The following KAZN variants were observed in gnomAD, a reference collection of about 807,000 sequenced individuals.
KAZN encodes kazrin.
KAZN carries 40 observed loss-of-function variants against 87.4 expected under a neutral mutation model. The ratio of observed to expected loss-of-function variants is 0.46; its 90% CI spans 0.36 to 0.60. The LOEUF is 0.60. KAZN is among the 20% of genes least tolerant of loss of function. The pLI is 0.00. For synonymous variants in KAZN, 466 were observed against 458.3 expected (o/e 1.02, Z -0.22); for missense variants, 898 against 1,073.9 (o/e 0.84, Z 2.29).
rs184419400 is a variant in KAZN, at chr1:14,800,648, G to A, written c.227-160036G>A. 5.6e-3 allele frequency among the ~76,000 whole-genome samples: 850 copies of A among 152,232 alleles called. 3 individuals are homozygous for A. Among genetic ancestry groups the A allele is most frequent in the Non-Finnish European group, 9.4e-3 (639 of 68,016 alleles). On this transcript the variant is annotated intron_variant, in intron 1 of 14. Coordinates refer to ENST00000376030, the MANE Select transcript of KAZN (RefSeq NM_201628.3). The stretch of plus-strand genomic sequence containing the variant: ...GAGCCTGGGAGATGGAGGCTGCAGC[G>A]AGCCATGATTGCAACACCACACTCC...
intron 1 of KAZN, among the ~76,000 whole-genome samples, chr1:14,864,100 G>A (rs1459244810): frequency 1.3e-5 from 2 of 152,164 alleles, no homozygotes; most frequent in East Asian, 3.9e-4. Flanking sequence ...CCCATTCCAG[G>A]AAGCCTAGCA....
chr1:14,635,816 A>T (rs1679935481), intron 1 of KAZN, among the ~76,000 whole-genome samples: 1 of 152,166 alleles, frequency 6.6e-6, no homozygotes, highest in Non-Finnish European at 1.5e-5. Context: ...GCCCATAAAC[A>T]CCTAAGACAG....
At chr1:14,656,697 C>A (rs544515506) in intron 1 of KAZN, among the ~76,000 whole-genome samples, 1 of 152,266 alleles carries the variant, frequency 6.6e-6, no homozygotes, top group Admixed American at 6.5e-5. Context: ...GGAAGAGAGC[C>A]AAGGGGACGG....
chr1:14,326,697 G>A (rs554973988), intron 2 of KAZN, among the ~76,000 whole-genome samples: 131 of 152,206 alleles, frequency 8.6e-4, no homozygotes, highest in African/African-American at 2.9e-3. Flanking sequence ...CTGTGCTTGG[G>A]TCACCCTGGA....
intron 2 of KAZN, among the ~76,000 whole-genome samples, chr1:14,418,525 GGAAAA>G (rs569166521): frequency 2.7e-3 from 405 of 152,238 alleles, no homozygotes; most frequent in African/African-American, 9.1e-3. Flanking sequence ...CTTGGTGCAA[GGAAAA>G]GAATATTGAA....
intron 2 of KAZN, among the ~76,000 whole-genome samples, chr1:14,439,361 A>G (rs1666572865): frequency 6.6e-6 from 1 of 151,920 alleles, no homozygotes; most frequent in Non-Finnish European, 1.5e-5. Context: ...CTGAGCCACC[A>G]TTAGTGATTG....
At chr1:14,414,812 G>A (rs1166753115) in intron 2 of KAZN, among the ~76,000 whole-genome samples, 1 of 152,076 alleles carries the variant, frequency 6.6e-6, no homozygotes, top group Non-Finnish European at 1.5e-5. Flanking sequence ...ATCACCTGAG[G>A]TCAGGAGTTC....
chr1:15,045,737 A>G (rs1052376789), intron 4 of KAZN, among the ~76,000 whole-genome samples: 2 of 152,200 alleles, frequency 1.3e-5, no homozygotes, highest in African/African-American at 4.8e-5. Context: ...GGCAAAGGAG[A>G]AACAAGGCAC....
At chr1:14,056,953 A>T (rs997786543) in intron 1 of KAZN, among the ~76,000 whole-genome samples, 2 of 150,224 alleles carry the variant, frequency 1.3e-5, no homozygotes, top group Non-Finnish European at 3.0e-5. Context: ...CTGAGGTGGG[A>T]GGATCGCTTG....
chr1:14,267,352 C>T (rs10928058), intron 2 of KAZN, among the ~76,000 whole-genome samples: 59,221 of 133,550 alleles, frequency 0.44, 13,460 homozygotes, highest in Non-Finnish European at 0.53. Context: ...TAACAATAGC[C>T]GATAAGCAAA....
Position 14,457,177 on chromosome 1 carries a change from G to A in KAZN, c.250-141806G>A, listed in dbSNP as rs115115987. On this transcript the variant is annotated intron_variant, in intron 2 of 16. Coordinates refer to the KAZN transcript ENST00000636203. ...CACAAAGTGGTTCATGAGGCTTCAC[G>A]TATTTCCACTTTACCACCAAACTCG... Among the ~76,000 whole-genome samples the A allele has an allele frequency of 7.7e-3, 1,166 of 152,290 alleles. 7 individuals are homozygous for A. Among genetic ancestry groups the A allele is most frequent in the African/African-American group, 0.013 (525 of 41,556 alleles).
At chr1:14,524,107 T>C (rs1408034037) in intron 2 of KAZN, among the ~76,000 whole-genome samples, 3 of 151,996 alleles carry the variant, frequency 2.0e-5, no homozygotes, top group South Asian at 4.1e-4. Flanking sequence ...CTGCAACCTC[T>C]GCCTCCCAGA....
chr1:14,365,338 CG>C (rs1199343993), intron 2 of KAZN, among the ~76,000 whole-genome samples: 4 of 144,378 alleles, frequency 2.8e-5, no homozygotes, highest in Admixed American at 7.1e-5. Flanking sequence ...TGAGCCACCG[CG>C]CCCCGGCGCC....
chr1:13,949,839 C>T (rs757606638), intron 1 of KAZN, among the ~76,000 whole-genome samples: 67 of 152,280 alleles, frequency 4.4e-4, no homozygotes, highest in Non-Finnish European at 8.8e-4. Context: ...TCAAAGGTAA[C>T]GGGGAAGCTG....
chr1:14,984,833 A>G (rs969510223), intron 2 of KAZN, among the ~76,000 whole-genome samples: 1 of 152,210 alleles, frequency 6.6e-6, no homozygotes, highest in African/African-American at 2.4e-5. Flanking sequence ...TGAACATCCA[A>G]TAAAATAATA....
At chr1:14,957,399 A>G (rs1663248364) in intron 1 of KAZN, among the ~76,000 whole-genome samples, 1 of 152,208 alleles carries the variant, frequency 6.6e-6, no homozygotes, top group African/African-American at 2.4e-5. Context: ...GCCATTCGAC[A>G]GACGTTACCG....
chr1:14,775,509 T>G (rs998241231), intron 1 of KAZN, among the ~76,000 whole-genome samples: 1 of 152,228 alleles, frequency 6.6e-6, no homozygotes, highest in African/African-American at 2.4e-5. Context: ...GTCCACGCCT[T>G]GTGATGTGGA....
chr1:13,902,187 A>G (rs1639276169), intron 1 of KAZN, among the ~76,000 whole-genome samples: 1 of 152,234 alleles, frequency 6.6e-6, no homozygotes, highest in African/African-American at 2.4e-5. Flanking sequence ...AAGAAGAAAA[A>G]TGGCCCATTT....
intron 1 of KAZN, among the ~76,000 whole-genome samples, chr1:14,126,929 A>T (rs761204181): frequency 1.3e-5 from 2 of 152,184 alleles, no homozygotes; most frequent in Non-Finnish European, 2.9e-5. Flanking sequence ...AACATGGTGA[A>T]ACCCCGTCTC....
Sources: allele counts gnomAD v4.1 joint callset (sites outside exome capture counted in the v4.1 genomes callset), GRCh38; gene constraint gnomAD v4.1.1; transcripts MANE v1.5; gene names NCBI Gene and HGNC (gene_info 2026-07-23, HGNC 2026-07-21).